The following ATL1 variants were observed in gnomAD, a reference collection of about 807,000 sequenced individuals.
ATL1 encodes atlastin GTPase 1, also known as atlastin-1.
Under a neutral mutation model 75.5 loss-of-function variants are expected in ATL1, and 31 were observed. That is an observed-to-expected ratio of 0.41 (90% CI 0.31 to 0.55). The LOEUF (loss-of-function observed/expected upper bound fraction) is 0.55, where lower values mean the gene tolerates loss of function less well. Among genes scored for constraint, ATL1 ranks in the 20% least tolerant of loss-of-function variants. The pLI, the probability that ATL1 is intolerant of heterozygous loss-of-function variation, is 0.27. For missense variants in ATL1, 405 were observed against 662.6 expected (o/e 0.61, Z 4.27); for synonymous variants, 226 against 233.3 (o/e 0.97, Z 0.28).
chr14:50,612,895 G>A (rs74902574), intron 6 of ATL1, among the ~76,000 whole-genome samples: 2 of 152,092 alleles, frequency 1.3e-5, no homozygotes, highest in East Asian at 3.9e-4. Context: ...TATATCTTAT[G>A]CCTGCATTCA....
intron 1 of ATL1, among the ~76,000 whole-genome samples, chr14:50,579,929 T>TG (rs1278542732): frequency 1.3e-5 from 2 of 152,220 alleles, no homozygotes; most frequent in African/African-American, 4.8e-5. Flanking sequence ...TCACTTAGAT[T>TG]GATTACTAGA....
At chr14:50,577,188 G>A (rs186691866) in intron 1 of ATL1, among the ~76,000 whole-genome samples, 107 of 152,042 alleles carry the variant, frequency 7.0e-4, no homozygotes, top group Non-Finnish European at 1.3e-3. Context: ...TTAGCCTGCC[G>A]AGTGGCTGGG....
At chr14:50,613,472 A>T in intron 7 of ATL1, 121 bp downstream of exon 7, 1 of 744,444 alleles carries the variant, frequency 1.3e-6, no homozygotes, top group Non-Finnish European at 2.4e-6. Context: ...ATCGATATTA[A>T]TGACACAGGT....
chr14:50,612,072 T>C (rs1014624328), intron 6 of ATL1, among the ~76,000 whole-genome samples: 13 of 152,198 alleles, frequency 8.5e-5, no homozygotes, highest in African/African-American at 2.9e-4. Context: ...CAGTAATGAC[T>C]ATGAATTATG....
intron 6 of ATL1, among the ~76,000 whole-genome samples, chr14:50,608,701 C>G (rs960247867): frequency 6.6e-6 from 1 of 151,926 alleles, no homozygotes; most frequent in African/African-American, 2.4e-5. Flanking sequence ...CTAAAGCTCC[C>G]AAGAAAAATG....
intron 1 of ATL1, among the ~76,000 whole-genome samples, chr14:50,540,457 A>G (rs1419597710): frequency 6.6e-6 from 1 of 152,160 alleles, no homozygotes; most frequent in Admixed American, 6.5e-5. Context: ...TCTTTGAGGG[A>G]GAGTCCCATA....
chr14:50,630,559 A>G (rs886519278), intron 13 of ATL1, among the ~76,000 whole-genome samples: 3 of 152,214 alleles, frequency 2.0e-5, no homozygotes, highest in East Asian at 1.9e-4. Flanking sequence ...TATCTCAGAA[A>G]AGACTCTAGG....
At chr14:50,595,526 C>T (rs1479842987) in intron 5 of ATL1, 50 bp from the exon 6 acceptor site, 4 of 1,531,022 alleles carry the variant, frequency 2.6e-6, no homozygotes, top group Middle Eastern at 1.7e-4. Context: ...AGTTCTCTCT[C>T]TCTCTCTCTC....
intron 1 of ATL1, among the ~76,000 whole-genome samples, chr14:50,576,189 A>G (rs1438970486): frequency 6.6e-6 from 1 of 152,226 alleles, no homozygotes; most frequent in African/African-American, 2.4e-5. Flanking sequence ...GTGTTAGATT[A>G]TCTCACCCAG....
intron 2 of ATL1, 108 bp from the exon 3 acceptor site, chr14:50,590,833 T>A (rs753620247): frequency 8.6e-6 from 10 of 1,166,506 alleles, no homozygotes; most frequent in Middle Eastern, 1.9e-4. Context: ...TGTGCATATG[T>A]TGTTTCCTTT....
intron 13 of ATL1, chr14:50,630,791 T>G: frequency 3.1e-6 from 1 of 322,528 alleles, no homozygotes. Context: ...GTAAGCAAGT[T>G]CATTAAAAAA....
At chr14:50,585,502 G>A (rs1427197588) in intron 1 of ATL1, among the ~76,000 whole-genome samples, 1 of 152,060 alleles carries the variant, frequency 6.6e-6, no homozygotes, top group Non-Finnish European at 1.5e-5. Context: ...TCTCAAAAAG[G>A]GCCTTTGTAC....
Position 50,591,637 on chromosome 14 carries a change from C to G in ATL1, c.520C>G (p.Gln174Glu). The G allele has an allele frequency of 1.2e-6, 2 of 1,608,468 alleles. No individual in the cohort carries two copies. Among genetic ancestry groups the G allele is most frequent in the East Asian group, 2.2e-5 (1 of 44,722 alleles). The change falls in exon 4 of 14, where the codon CAG becomes GAG. Residue 174 changes from glutamine to glutamate, a missense_variant and splice_region_variant. Coordinates refer to ENST00000358385, the MANE Select transcript of ATL1 (RefSeq NM_015915.5). Reference sequence around the variant, plus strand: ...CCTTAGCACAATGATCAGCTCAATACAGGTATGAAATAAGCCCATTTTGAT... The same window carrying G: ...CCTTAGCACAATGATCAGCTCAATAGAGGTATGAAATAAGCCCATTTTGAT... Reference protein sequence around the residue: ...FALSTMISSIQVYNLSQNVQE... With the variant: ...FALSTMISSIEVYNLSQNVQE...
chr14:50,630,037 C>T (rs368809114), intron 13 of ATL1, 28 bp downstream of exon 13: 80 of 1,541,928 alleles, frequency 5.2e-5, no homozygotes, highest in Non-Finnish European at 6.8e-5. Flanking sequence ...AAATTCAGAG[C>T]TATGTATGTG....
intron 1 of ATL1, among the ~76,000 whole-genome samples, chr14:50,577,660 A>G (rs193182506): frequency 6.6e-6 from 1 of 152,126 alleles, no homozygotes; most frequent in Non-Finnish European, 1.5e-5. Flanking sequence ...ATCACCCTCC[A>G]TACCCTTCCT....
intron 1 of ATL1, among the ~76,000 whole-genome samples, chr14:50,553,817 T>G (rs1200630846): frequency 6.6e-6 from 1 of 152,200 alleles, no homozygotes; most frequent in African/African-American, 2.4e-5. Context: ...TGGATGGAGT[T>G]GGAGGCCATT....
intron 8 of ATL1, among the ~76,000 whole-genome samples, chr14:50,615,983 C>G (rs1236785202): frequency 6.6e-6 from 1 of 151,976 alleles, no homozygotes; most frequent in Non-Finnish European, 1.5e-5. Flanking sequence ...ATGCAGAATC[C>G]TACTTATTAT....
intron 13 of ATL1, among the ~76,000 whole-genome samples, chr14:50,631,739 TG>T (rs1382655863): frequency 6.6e-6 from 1 of 152,152 alleles, no homozygotes; most frequent in Non-Finnish European, 1.5e-5. Flanking sequence ...CCTACTGTGC[TG>T]GGGGAAGGAC....
intron 11 of ATL1, among the ~76,000 whole-genome samples, chr14:50,625,054 GA>G (rs533857209): frequency 4.0e-5 from 6 of 149,470 alleles, no homozygotes; most frequent in Admixed American, 1.3e-4. Context: ...CAGCCTGGGG[GA>G]CTGAGTGAGG....
Sources: gnomAD v4.1 joint callset for allele counts (sites outside exome capture counted in the v4.1 genomes callset) on GRCh38, gnomAD v4.1.1 for gene constraint, MANE v1.5 for transcripts, NCBI Gene and HGNC (gene_info 2026-07-23, HGNC 2026-07-21) for gene names.